Variants in ARHGEF4 observed in about 807,000 individuals in gnomAD.
ARHGEF4 encodes Rho guanine nucleotide exchange factor 4.
In ARHGEF4, 119 loss-of-function variants were observed where a neutral mutation model predicts 162.0. That is an observed-to-expected ratio of 0.73 (90% CI 0.63 to 0.86). ARHGEF4 has a LOEUF of 0.86. Among genes scored for constraint, ARHGEF4 ranks in the 40% least tolerant of loss-of-function variants. The pLI, the probability that ARHGEF4 is intolerant of heterozygous loss-of-function variation, is 0.00. For missense variants in ARHGEF4, 2,488 were observed against 2,456.0 expected (o/e 1.01, Z -0.28); for synonymous variants, 1,014 against 979.9 (o/e 1.03, Z -0.65).
Position 130,914,571 on chromosome 2 carries a change from T to G in ARHGEF4, c.625T>G (p.Ser209Ala). The G allele has an allele frequency of 1.4e-6, 2 of 1,398,296 alleles. No homozygotes were observed. The highest frequency in any genetic ancestry group is 2.6e-5 in the East Asian group (1 of 38,634). 86.6% of individuals were successfully genotyped at this position (1,398,296 alleles called of 1,614,324 possible). The stretch of plus-strand genomic sequence containing the variant: ...GGCTGTTCAAGACCTCAGAGGGCTC[T>G]CCAGTGTTTCTCTTCAGAAATCCAG... ...GVAVQDLRGL[S>A]SVSLQKSRSE... Residue 209 changes from serine to alanine, a missense_variant, in exon 2 of 14, where the codon TCC becomes GCC. By Grantham distance (99) the Ser-to-Ala change is moderately conservative (BLOSUM62 1). This residue lies in a region of ARHGEF4 where 81 missense variants were observed against 125.8 expected (regional missense o/e 0.64). Coordinates refer to ENST00000409359, the MANE Select transcript of ARHGEF4 (RefSeq NM_001367493.1).
Position 131,046,106 on chromosome 2 carries a change from C to A in ARHGEF4, c.5548C>A (p.Gln1850Lys). The A allele has an allele frequency of 6.2e-7, 1 of 1,613,010 alleles. No individual in the cohort carries two copies. The highest frequency in any genetic ancestry group is 8.5e-7 in the Non-Finnish European group (1 of 1,179,922). The stretch of plus-strand genomic sequence containing the variant: ...CCTGCCCAGCAACCGGCCCCAGCAG[C>A]AGGTCCTGGTGCTGGCGGAGCCCAG... ...PALPSNRPQQ[Q>K]VLVLAEPRRK... Residue 1850 changes from glutamine (Q) to lysine (K), a missense_variant, in exon 14 of 14, where the codon CAG becomes AAG. Physicochemically the swap from Gln to Lys is moderately conservative, Grantham distance 53. Transcript: ENST00000409359.
At chr2:130,917,915 C>T (rs1399711706) in intron 2 of ARHGEF4, among the ~76,000 whole-genome samples, 1 of 150,780 alleles carries the variant, frequency 6.6e-6, no homozygotes, top group African/African-American at 2.4e-5. Flanking sequence ...CTCTGCCTCC[C>T]GGATTCAGGC....
chr2:130,993,658 GTTTTTC>G (rs979554910), intron 4 of ARHGEF4, among the ~76,000 whole-genome samples: 17 of 152,078 alleles, frequency 1.1e-4, no homozygotes, highest in African/African-American at 3.9e-4. Context: ...ATTATTAAAT[GTTTTTC>G]TTTTTCTCTG....
At chr2:130,919,068 G>A (rs2105066374) in intron 2 of ARHGEF4, among the ~76,000 whole-genome samples, 1 of 152,278 alleles carries the variant, frequency 6.6e-6, no homozygotes, top group South Asian at 2.1e-4. Context: ...ACATTGCTCT[G>A]CATCTTTCTT....
At chr2:130,891,711 T>A (rs1042123765) in intron 1 of ARHGEF4, among the ~76,000 whole-genome samples, 8 of 152,168 alleles carry the variant, frequency 5.3e-5, no homozygotes. Context: ...CGTCTCTTCT[T>A]ACCAGGACAC....
chr2:130,989,807 C>T (rs1662789589), intron 4 of ARHGEF4, among the ~76,000 whole-genome samples: 1 of 152,168 alleles, frequency 6.6e-6, no homozygotes, highest in South Asian at 2.1e-4. Flanking sequence ...TGTCTGACAT[C>T]GGATTAGCAC....
At position 130,917,192 on chromosome 2, in the gene ARHGEF4, C is replaced by T; in HGVS notation, c.3246C>T (p.Asn1082=). The T allele has an allele frequency of 3.2e-6, 5 of 1,550,484 alleles. No individual in the cohort carries two copies. The highest frequency in any genetic ancestry group is 3.5e-6 in the Non-Finnish European group (4 of 1,146,972). ...CTGCCTGCTGCCTGGCATATGAAAA[C>T]CCCGGGACGCCCTGCAGACCCACGA... The part of the protein sequence containing the change: ...SSSACCLAYE[N]PGTPCRPTSP... The change falls in exon 2 of 14, where the codon AAC becomes AAT. Residue 1082 remains asparagine, a synonymous_variant. Transcript: ENST00000409359.
At chr2:130,900,744 G>A (rs1229894667) in intron 1 of ARHGEF4, among the ~76,000 whole-genome samples, 2 of 152,144 alleles carry the variant, frequency 1.3e-5, no homozygotes, top group South Asian at 2.1e-4. Flanking sequence ...TGGTTGTGAC[G>A]AGTGATTTTT....
chr2:130,930,561 A>C (rs780980859), intron 2 of ARHGEF4, among the ~76,000 whole-genome samples: 2 of 152,162 alleles, frequency 1.3e-5, no homozygotes, highest in Non-Finnish European at 2.9e-5. Flanking sequence ...GCTCTGGAAG[A>C]GTGCTTCTGC....
rs372992923 is a variant in ARHGEF4 at position 130,838,875 on chromosome 2, G to C, written c.39+1883G>C. ...AGTGTGGCTGGAGGAGAGACCACTG[G>C]ACATCTCTGGGCAGCCACCTTGCCT... On this transcript the variant is annotated intron_variant, in intron 1 of 13. Coordinates refer to ENST00000409359, the MANE Select transcript of ARHGEF4 (RefSeq NM_001367493.1). 8.6e-4 allele frequency among the ~76,000 whole-genome samples: 131 copies of C among 152,298 alleles called. 9 individuals carry two copies. The South Asian group carries it at 0.021, about 24-fold the overall frequency.
chr2:130,903,611 G>A (rs1225336643), intron 1 of ARHGEF4, among the ~76,000 whole-genome samples: 1 of 152,144 alleles, frequency 6.6e-6, no homozygotes, highest in African/African-American at 2.4e-5. Flanking sequence ...CATGTTGCAT[G>A]ACGCTGAGGT....
intron 4 of ARHGEF4, among the ~76,000 whole-genome samples, chr2:130,956,762 G>A (rs1252367372): frequency 7.2e-6 from 1 of 138,174 alleles, no homozygotes; most frequent in Non-Finnish European, 1.5e-5. Context: ...GATGGAAATT[G>A]AACAATGAGA....
intron 4 of ARHGEF4, among the ~76,000 whole-genome samples, chr2:131,001,374 C>T (rs964365576): frequency 6.9e-6 from 1 of 145,198 alleles, no homozygotes; most frequent in East Asian, 2.0e-4. Flanking sequence ...TAACATAACA[C>T]TGGGCATGTG....
chr2:131,026,532 A>G (rs1689485326), intron 4 of ARHGEF4, among the ~76,000 whole-genome samples: 1 of 152,252 alleles, frequency 6.6e-6, no homozygotes. Flanking sequence ...ATGAATACAT[A>G]CATATTTTTA....
chr2:130,886,072 C>T (rs911411560), intron 1 of ARHGEF4, among the ~76,000 whole-genome samples: 2 of 152,026 alleles, frequency 1.3e-5, no homozygotes, highest in African/African-American at 4.8e-5. Flanking sequence ...TCTTTCTGGA[C>T]TGCTTGGTGT....
Position 130,916,306 on chromosome 2 carries a change from A to AAGC in ARHGEF4, c.2360_2361insAGC (p.Glu787_Pro788insAla), listed in dbSNP as rs760087759. On this transcript the variant is annotated inframe_insertion, in exon 2 of 14. Coordinates refer to ENST00000409359, the MANE Select transcript of ARHGEF4 (RefSeq NM_001367493.1). ...CGCGGGCTCCGCAAGGGCGCGCAGG[A>AAGC]GCCTGGGAAGCGCCCGACGTTTTCC... 6.5e-7 allele frequency: 1 copy of AAGC among 1,541,870 alleles called. No individual in the cohort carries two copies.
At chr2:130,892,190 T>G (rs1679896998) in intron 1 of ARHGEF4, among the ~76,000 whole-genome samples, 1 of 152,182 alleles carries the variant, frequency 6.6e-6, no homozygotes, top group Admixed American at 6.5e-5. Flanking sequence ...CACTCAGCCT[T>G]GACCTAGTGG....
Position 131,046,530 on chromosome 2 carries a change from C to T in ARHGEF4, c.*341C>T, listed in dbSNP as rs1185708507. 4 of 244,620 alleles carry T rather than the reference C, an allele frequency of 1.6e-5. No homozygotes were observed. The highest frequency in any genetic ancestry group is 5.3e-5 in the Admixed American group (1 of 18,754). 15.2% of individuals were successfully genotyped at this position (244,620 alleles called of 1,614,324 possible). ...CCAGCTGGGGAGAAGGCGCTACCTG[C>T]GTGGGACCCTCTTCTCTGGAAACCT... is the stretch of plus-strand genomic sequence containing the variant. On this transcript the variant is annotated 3_prime_UTR_variant, in exon 14 of 14. Transcript: ENST00000409359.
Position 130,916,847 on chromosome 2 carries a change from C to T in ARHGEF4, c.2901C>T (p.Pro967=), listed in dbSNP as rs1169030222. Residue 967 remains proline (P), a synonymous_variant, in exon 2 of 14, where the codon CCC becomes CCT. Coordinates refer to ENST00000409359, the MANE Select transcript of ARHGEF4 (RefSeq NM_001367493.1). ...AAGATGCCGGAAGCCCCAAAAAGCC[C>T]ACCCTAGTGAGTCTGCCTCTAGGAC... ...KSKDAGSPKK[P]TLVSLPLGPE... is the part of the protein sequence containing the mutation. 6.4e-7 allele frequency: 1 copy of T among 1,550,468 alleles called. No homozygotes were observed. Among genetic ancestry groups the T allele is most frequent in the East Asian group, 2.4e-5 (1 of 40,874 alleles).
Sources: allele counts gnomAD v4.1 joint callset (sites outside exome capture counted in the v4.1 genomes callset), GRCh38; gene constraint gnomAD v4.1.1; regional missense constraint gnomAD v4.1.1; transcripts MANE v1.5; gene names NCBI Gene and HGNC (gene_info 2026-07-23, HGNC 2026-07-21).